Variants in TNC observed in about 807,000 individuals in gnomAD.
The protein encoded by TNC is tenascin.
In TNC, 109 loss-of-function variants were observed where a neutral mutation model predicts 202.4. That is an observed-to-expected ratio of 0.54 (90% CI 0.46 to 0.63). The LOEUF (loss-of-function observed/expected upper bound fraction) is 0.63. Ranked by LOEUF, TNC falls within the 30% of genes least tolerant of loss-of-function variation. The pLI is 0.00. For synonymous variants in TNC, 1,007 were observed against 1,089.7 expected, an observed-to-expected ratio of 0.92 and a Z score of 1.50; for missense variants, 2,756 against 2,833.3, an observed-to-expected ratio of 0.97 and a Z score of 0.62.
rs1829038438 is a variant in TNC at position 115,021,215 on chromosome 9, T to C, written c.6548A>G (p.Glu2183Gly). The C allele has an allele frequency of 6.2e-7, 1 of 1,613,628 alleles. No individual in the cohort carries two copies. Among genetic ancestry groups the C allele is most frequent in the African/African-American group, 1.3e-5 (1 of 74,750 alleles). ...GAAGTTGCTTGGTCTCAGCTTCATC[T>C]CAGCAAACTGGATTGAGTGTTCGTG... ...KGHEHSIQFA[E>G]MKLRPSNFRN... Residue 2183 changes from glutamate to glycine, a missense_variant, in exon 28 of 28, where the codon GAG becomes GGG. By Grantham distance (98) the Glu-to-Gly change is moderately conservative (BLOSUM62 -2). Coordinates refer to ENST00000350763, the MANE Select transcript of TNC (RefSeq NM_002160.4).
chr9:115,035,716 T>C (rs1276465260), intron 21 of TNC: 1 of 267,060 alleles, frequency 3.7e-6, no homozygotes, highest in Non-Finnish European at 7.1e-6. Context: ...TAAAAAGCTC[T>C]CAATGTATAG....
chr9:115,058,849 C>A (rs1832327527), intron 14 of TNC, among the ~76,000 whole-genome samples: 1 of 152,190 alleles, frequency 6.6e-6, no homozygotes, highest in African/African-American at 2.4e-5. Flanking sequence ...AGGAAGGCTG[C>A]TGACTTTGGC....
At chr9:115,037,125 C>T (rs1215418814) in intron 20 of TNC, among the ~76,000 whole-genome samples, 2 of 152,172 alleles carry the variant, frequency 1.3e-5, no homozygotes, top group Admixed American at 6.5e-5. Context: ...AACATCCCTC[C>T]TCCCCATCAG....
intron 1 of TNC, among the ~76,000 whole-genome samples, chr9:115,104,958 G>A (rs1439669143): frequency 1.3e-5 from 2 of 152,138 alleles, no homozygotes; most frequent in Admixed American, 6.6e-5. Context: ...GAGTGTTGAC[G>A]TGTACACCAA....
At chr9:115,062,295 G>A (rs1299201071) in intron 13 of TNC, among the ~76,000 whole-genome samples, 1 of 152,098 alleles carries the variant, frequency 6.6e-6, no homozygotes, top group Non-Finnish European at 1.5e-5. Context: ...AGGAGGCTCA[G>A]GGATGTAAAG....
intron 3 of TNC, among the ~76,000 whole-genome samples, chr9:115,084,730 T>C (rs1251939665): frequency 6.6e-6 from 1 of 152,192 alleles, no homozygotes; most frequent in East Asian, 1.9e-4. Flanking sequence ...TCTCCAACTT[T>C]CTGTGCTTCC....
At chr9:115,093,924 G>C (rs1835422279) in intron 1 of TNC, among the ~76,000 whole-genome samples, 1 of 152,076 alleles carries the variant, frequency 6.6e-6, no homozygotes, top group African/African-American at 2.4e-5. Flanking sequence ...GGTGGTCTGA[G>C]GGCAGTGGGT....
intron 1 of TNC, among the ~76,000 whole-genome samples, chr9:115,097,952 A>C (rs1324523161): frequency 6.6e-6 from 1 of 152,206 alleles, no homozygotes; most frequent in Admixed American, 6.5e-5. Context: ...CTAGGTGCCT[A>C]ACTGCTCACA....
chr9:115,110,388 A>G (rs913053796), intron 1 of TNC, among the ~76,000 whole-genome samples: 1 of 152,054 alleles, frequency 6.6e-6, no homozygotes, highest in African/African-American at 2.4e-5. Flanking sequence ...GTTAACCTCT[A>G]TGTCTCAGGT....
rs184743344 is a variant in TNC at position 115,109,790 on chromosome 9, C to T, written c.-137+8192G>A. 2.0e-5 allele frequency among the ~76,000 whole-genome samples: 3 copies of T among 152,354 alleles called. No individual in the cohort carries two copies. The East Asian group carries it at 5.8e-4, about 29-fold the overall frequency. On this transcript the variant is annotated intron_variant, in intron 1 of 27. Coordinates refer to ENST00000350763, the MANE Select transcript of TNC (RefSeq NM_002160.4). The stretch of plus-strand genomic sequence containing the variant: ...TAGGGCTGGGATGGTTTCCTCCTAT[C>T]ACATGTTGTGTCATCACACTGCATA...
At chr9:115,040,871 G>T in intron 19 of TNC, 70 bp downstream of exon 19, 2 of 1,518,774 alleles carry the variant, frequency 1.3e-6, no homozygotes, top group Non-Finnish European at 1.8e-6. Flanking sequence ...GGTGAGAAAT[G>T]GCATAGGATG....
intron 15 of TNC, among the ~76,000 whole-genome samples, chr9:115,052,070 GTATATATACATATATA>G (rs1831719495): frequency 1.4e-5 from 2 of 145,254 alleles, no homozygotes; most frequent in Non-Finnish European, 1.5e-5. Flanking sequence ...CCATATGTGT[GTATATATACATATATA>G]TATATATACA....
intron 1 of TNC, among the ~76,000 whole-genome samples, chr9:115,116,861 T>C (rs866533251): frequency 6.6e-6 from 1 of 151,944 alleles, no homozygotes; most frequent in South Asian, 2.1e-4. Flanking sequence ...CACCCTCAGA[T>C]TGGGTGAGAT....
chr9:115,111,617 G>A (rs1238229768), intron 1 of TNC, among the ~76,000 whole-genome samples: 2 of 151,730 alleles, frequency 1.3e-5, no homozygotes, highest in African/African-American at 2.4e-5. Flanking sequence ...CAGCATATTG[G>A]CCAGGCTGGT....
intron 25 of TNC, 66 bp from the exon 26 acceptor site, chr9:115,026,761 CTGTAAAAGCG>C: frequency 2.6e-6 from 4 of 1,546,122 alleles, no homozygotes; most frequent in Non-Finnish European, 3.5e-6. Context: ...CTATTTCACT[CTGTAAAAGCG>C]GCAACTGGGT....
chr9:115,050,449 G>A (rs1162811827), intron 15 of TNC, among the ~76,000 whole-genome samples: 2 of 152,098 alleles, frequency 1.3e-5, no homozygotes, highest in Admixed American at 6.6e-5. Context: ...CCTGAGGAGT[G>A]AGAATCTCAT....
intron 15 of TNC, among the ~76,000 whole-genome samples, chr9:115,055,072 T>G (rs10982509): frequency 0.12 from 15,897 of 134,962 alleles, 807 homozygotes; most frequent in Middle Eastern, 0.19. Context: ...TCTGACCAAG[T>G]CACCAGAAAT....
At chr9:115,080,427 C>G (rs1834216586) in intron 6 of TNC, among the ~76,000 whole-genome samples, 1 of 152,022 alleles carries the variant, frequency 6.6e-6, no homozygotes, top group Non-Finnish European at 1.5e-5. Context: ...TGAATTGGCT[C>G]TGAGCTAGGC....
chr9:115,088,160 C>T lies in TNC; in HGVS notation c.458-887G>A, dbSNP rs532112419. ...CTATCTGGAGCTTAGTTTTCTTATA[C>T]GTGAAGTTGGGCCAATAGCCCACTT... On this transcript the variant is annotated intron_variant, in intron 2 of 27. Coordinates refer to ENST00000350763, the MANE Select transcript of TNC (RefSeq NM_002160.4). 7.2e-5 allele frequency among the ~76,000 whole-genome samples: 11 copies of T among 152,278 alleles called. No individual in the cohort carries two copies. The South Asian group carries it at 1.9e-3, about 26-fold the overall frequency.
Sources: allele counts gnomAD v4.1 joint callset (sites outside exome capture counted in the v4.1 genomes callset), GRCh38; gene constraint gnomAD v4.1.1; transcripts MANE v1.5; gene names NCBI Gene and HGNC (gene_info 2026-07-23, HGNC 2026-07-21).